The following NRG2 variants were observed in gnomAD, a reference collection of about 807,000 sequenced individuals.
The protein encoded by NRG2 is pro-neuregulin-2, membrane-bound isoform.
NRG2 carries 27 observed loss-of-function variants against 73.9 expected under a neutral mutation model. That is an observed-to-expected ratio of 0.37 (90% CI 0.27 to 0.50). NRG2 has a LOEUF of 0.50. NRG2 is among the 20% of genes least tolerant of loss of function. The pLI is 0.96. For synonymous variants in NRG2, 532 were observed against 541.0 expected (o/e 0.98, Z 0.23); for missense variants, 1,126 against 1,210.1 (o/e 0.93, Z 1.03).
chr5:140,038,595 T>A lies in NRG2; in HGVS notation c.700+3775A>T, dbSNP rs140874629. ...AGAGTTAAGATTGTTTTAGTTTTAA[T>A]CTGGAGGCTTTCTTTAACTTCACTT... On this transcript the variant is annotated intron_variant, in intron 1 of 9. Coordinates refer to ENST00000361474, the MANE Select transcript of NRG2 (RefSeq NM_004883.3). Among the ~76,000 whole-genome samples the A allele has an allele frequency of 4.2e-3, 642 of 152,356 alleles. 3 individuals carry two copies. Among genetic ancestry groups the A allele is most frequent in the African/African-American group, 0.015 (619 of 41,580 alleles).
intron 9 of NRG2, among the ~76,000 whole-genome samples, chr5:139,850,814 AG>A (rs1761369271): frequency 6.6e-6 from 1 of 152,176 alleles, no homozygotes; most frequent in South Asian, 2.1e-4. Context: ...GCTACTGCCA[AG>A]GCCTGCCATC....
At chr5:139,961,441 T>C (rs1755055869) in intron 1 of NRG2, among the ~76,000 whole-genome samples, 1 of 149,736 alleles carries the variant, frequency 6.7e-6, no homozygotes, top group Non-Finnish European at 1.5e-5. Context: ...ATCAAGCTTG[T>C]TTAGAAACAT....
rs905334664 is a variant in NRG2, at chr5:139,904,516, C to T, written c.701-17005G>A. ...CTTTCTTATAGGCGGTCACACCCTC[C>T]GGGGGAGGGGAGCAGCGAGCCTTAA... On this transcript the variant is annotated intron_variant, in intron 1 of 9. Transcript: ENST00000361474. The surrounding 1 kb of genome is among the most constrained non-coding windows in gnomAD (Gnocchi z 6.0). 2.4e-5 allele frequency: 13 copies of T among 538,502 alleles called. No individual in the cohort carries two copies. Among genetic ancestry groups the T allele is most frequent in the Non-Finnish European group, 3.5e-5 (11 of 310,544 alleles). The allele number at this position is 538,502 out of a possible 1,614,324, so 33.4% of individuals were successfully genotyped here. A position where few individuals can be genotyped will look rare whatever the true frequency, so the allele number is the denominator to read the frequency against.
At chr5:139,982,442 C>T (rs1471753719) in intron 1 of NRG2, among the ~76,000 whole-genome samples, 1 of 152,162 alleles carries the variant, frequency 6.6e-6, no homozygotes, top group Admixed American at 6.5e-5. Flanking sequence ...CACTTCAGCC[C>T]ACACCAATCT....
intron 2 of NRG2, among the ~76,000 whole-genome samples, chr5:139,881,461 T>C (rs530522577): frequency 4.6e-5 from 7 of 152,322 alleles, no homozygotes; most frequent in African/African-American, 1.7e-4. Flanking sequence ...AGTCCAAACC[T>C]GGGGCTCTCC....
intron 1 of NRG2, among the ~76,000 whole-genome samples, chr5:139,898,253 C>T (rs1201839585): frequency 6.6e-6 from 1 of 152,226 alleles, no homozygotes; most frequent in Non-Finnish European, 1.5e-5. Flanking sequence ...TTCACAGGAA[C>T]AAGGCCGGAA....
rs566293829 is a variant in NRG2 at position 140,000,685 on chromosome 5, G to A, written c.700+41685C>T. ...TCTGTCGGCTCTCTTCGGAGCTCTC[G>A]AAAATGTTCCCCAGGCACCACACCT... On this transcript the variant is annotated intron_variant, in intron 1 of 9. Coordinates refer to ENST00000361474, the MANE Select transcript of NRG2 (RefSeq NM_004883.3). Among the ~76,000 whole-genome samples the A allele has an allele frequency of 4.6e-5, 7 of 152,280 alleles. No homozygotes were observed. In the East Asian group the frequency reaches 7.7e-4, roughly 17 times the overall value.
At chr5:140,024,521 C>T (rs1760518894) in intron 1 of NRG2, among the ~76,000 whole-genome samples, 2 of 152,238 alleles carry the variant, frequency 1.3e-5, no homozygotes, top group African/African-American at 2.4e-5. Context: ...TCCCAGAGTG[C>T]TGGGATTACA....
At chr5:139,902,555 C>G (rs1764955961) in intron 1 of NRG2, among the ~76,000 whole-genome samples, 1 of 152,176 alleles carries the variant, frequency 6.6e-6, no homozygotes, top group African/African-American at 2.4e-5. Flanking sequence ...CTTGCTCATG[C>G]TTTCCATGTG....
At chr5:139,893,342 A>T (rs1198311200) in intron 1 of NRG2, among the ~76,000 whole-genome samples, 1 of 152,218 alleles carries the variant, frequency 6.6e-6, no homozygotes, top group Non-Finnish European at 1.5e-5. Flanking sequence ...GGCTGAAGGG[A>T]GGAGCAGCAG....
At position 139,871,585 on chromosome 5, in the gene NRG2, G is replaced by A. The variant is rs1762851654; in HGVS notation, c.1112+136C>T. 9 of 1,150,388 alleles carry A rather than the reference G, an allele frequency of 7.8e-6. No individual in the cohort carries two copies. In the South Asian group the frequency reaches 1.3e-4, roughly 17 times the overall value. 71.3% of individuals were successfully genotyped at this position (1,150,388 alleles called of 1,614,324 possible). A position where few individuals can be genotyped will look rare whatever the true frequency, so the allele number is the denominator to read the frequency against. ...TTCCAGGAAAGGGCTAGGAAGTAGGGCAAAGCTTCCTGTCTACACCCCTTG... is the reference window on the plus strand; with the variant it reads ...TTCCAGGAAAGGGCTAGGAAGTAGGACAAAGCTTCCTGTCTACACCCCTTG... On this transcript the variant is annotated intron_variant, in intron 4 of 9. Transcript: ENST00000361474.
intron 1 of NRG2, among the ~76,000 whole-genome samples, chr5:139,936,493 C>T (rs1158783858): frequency 6.6e-6 from 1 of 152,158 alleles, no homozygotes; most frequent in Non-Finnish European, 1.5e-5. Context: ...ATCTATTAAA[C>T]CAATTGAGTT....
chr5:139,851,341 G>A lies in NRG2; in HGVS notation c.1772+263C>T, dbSNP rs1761403118. ...CTATTAATAATGTCCTTTTTCTAGTGTGAAAAGTGTCCTGGGAGGACAATT... is the reference window on the plus strand; with the variant it reads ...CTATTAATAATGTCCTTTTTCTAGTATGAAAAGTGTCCTGGGAGGACAATT... On this transcript the variant is annotated intron_variant, in intron 9 of 9. Coordinates refer to ENST00000361474, the MANE Select transcript of NRG2 (RefSeq NM_004883.3). This position sits in a 1 kb window ranked among gnomAD's most constrained non-coding sequence, Gnocchi z 4.2. 6.6e-6 allele frequency among the ~76,000 whole-genome samples: 1 copy of A among 152,162 alleles called. No homozygotes were observed. The highest frequency in any genetic ancestry group is 2.4e-5 in the African/African-American group (1 of 41,434).
chr5:139,883,226 GCCCTCCC>G (rs946505456), intron 2 of NRG2, among the ~76,000 whole-genome samples: 1 of 116,980 alleles, frequency 8.5e-6, no homozygotes, highest in Non-Finnish European at 1.9e-5. Flanking sequence ...TGGTGACCAC[GCCCTCCC>G]CCCTCCCCCC....
chr5:139,902,069 A>G (rs2127170785), intron 1 of NRG2, among the ~76,000 whole-genome samples: 1 of 152,350 alleles, frequency 6.6e-6, no homozygotes, highest in South Asian at 2.1e-4. Context: ...GGTCACACAG[A>G]GGTCCAACAG....
intron 1 of NRG2, among the ~76,000 whole-genome samples, chr5:139,976,960 T>C (rs265170): frequency 0.34 from 52,081 of 152,054 alleles, 9,778 homozygotes; most frequent in African/African-American, 0.5. Context: ...CTTTGTGTCT[T>C]ACTTTCCTCT....
intron 1 of NRG2, among the ~76,000 whole-genome samples, chr5:139,977,040 C>T (rs1186299662): frequency 6.6e-6 from 1 of 152,124 alleles, no homozygotes; most frequent in Non-Finnish European, 1.5e-5. Context: ...ATGAATGGAT[C>T]GCCCAGTGCC....
In NRG2 at chr5:139,887,857, A is replaced by T. The variant is rs1466189779; in HGVS notation, c.701-346T>A. Among the ~76,000 whole-genome samples, 1 of 152,130 alleles carries T rather than the reference A, an allele frequency of 6.6e-6. No individual in the cohort carries two copies. The highest frequency in any genetic ancestry group is 6.6e-5 in the Admixed American group (1 of 15,266). ...AACAGAGGCTCGGAATGGTGAAGTC[A>T]CTTCCCTAAGGGCAGATGATGGAAC... On this transcript the variant is annotated intron_variant, in intron 1 of 9. Coordinates refer to ENST00000361474, the MANE Select transcript of NRG2 (RefSeq NM_004883.3). The surrounding 1 kb of genome is among the most constrained non-coding windows in gnomAD (Gnocchi z 4.5).
rs1267579331 is a variant in NRG2 at position 139,904,235 on chromosome 5, C to T, written c.701-16724G>A. On this transcript the variant is annotated intron_variant, in intron 1 of 9. Coordinates refer to ENST00000361474, the MANE Select transcript of NRG2 (RefSeq NM_004883.3). The surrounding 1 kb of genome is among the most constrained non-coding windows in gnomAD (Gnocchi z 6.0). ...GCAGCCTAGACTCACCCGCGCTGCG[C>T]TGGGGGCGGGTGAGCGGGCGGCAGG... The T allele has an allele frequency of 9.9e-6, 15 of 1,511,412 alleles. No homozygotes were observed. Among genetic ancestry groups the T allele is most frequent in the Middle Eastern group, 2.2e-4 (1 of 4,594 alleles). The allele number at this position is 1,511,412 out of a possible 1,614,324, so 93.6% of individuals were successfully genotyped here.
Sources: gnomAD v4.1 joint callset for allele counts (sites outside exome capture counted in the v4.1 genomes callset) on GRCh38, gnomAD v4.1.1 for gene constraint, Gnocchi (gnomAD v3.1) non-coding constraint, MANE v1.5 for transcripts, NCBI Gene and HGNC (gene_info 2026-07-23, HGNC 2026-07-21) for gene names.